The following BNC2 variants were observed in gnomAD, a reference collection of about 807,000 sequenced individuals.
BNC2 encodes the protein basonuclin zinc finger protein 2, also known as zinc finger protein basonuclin-2.
A neutral mutation model predicts 76.3 loss-of-function variants in BNC2; 20 were observed. The observed-to-expected ratio is 0.26, with a 90% CI of 0.18 to 0.38. The LOEUF (loss-of-function observed/expected upper bound fraction) is 0.38, where lower values mean the gene tolerates loss of function less well. Among genes scored for constraint, BNC2 ranks in the 10% least tolerant of loss-of-function variants. The probability of loss-of-function intolerance (pLI) is 1.00; values close to 1 mark genes in which losing one functional copy is unlikely to be tolerated. For missense variants in BNC2, 1,382 were observed against 1,399.8 expected (o/e 0.99, Z 0.20); for synonymous variants, 582 against 514.8 (o/e 1.13, Z -1.77).
At chr9:16,445,697 G>C (rs1821217931) in intron 5 of BNC2, among the ~76,000 whole-genome samples, 1 of 152,140 alleles carries the variant, frequency 6.6e-6, no homozygotes, top group Non-Finnish European at 1.5e-5. Flanking sequence ...TGGGCAGAAA[G>C]AATGATTTCG....
chr9:16,807,280 A>G (rs1817938271), intron 1 of BNC2, among the ~76,000 whole-genome samples: 1 of 152,222 alleles, frequency 6.6e-6, no homozygotes, highest in Non-Finnish European at 1.5e-5. Context: ...TTATCTACAG[A>G]AAGTTATTTT....
intron 5 of BNC2, among the ~76,000 whole-genome samples, chr9:16,484,198 G>A (rs942720023): frequency 1.3e-5 from 2 of 152,056 alleles, no homozygotes; most frequent in East Asian, 1.9e-4. Context: ...AGTCTAGGCC[G>A]TTTTACACCT....
chr9:16,690,793 T>A (rs1358958691), intron 3 of BNC2, among the ~76,000 whole-genome samples: 1 of 152,064 alleles, frequency 6.6e-6, no homozygotes, highest in African/African-American at 2.4e-5. Context: ...AAAGAGTCAA[T>A]CAGTATGTGA....
chr9:16,792,104 CAAAAAA>C (rs35590121), intron 1 of BNC2, among the ~76,000 whole-genome samples: 1 of 127,204 alleles, frequency 7.9e-6, no homozygotes, highest in Non-Finnish European at 1.6e-5. Flanking sequence ...CTTGACCCTC[CAAAAAA>C]AAAAAAAAAA....
intron 1 of BNC2, among the ~76,000 whole-genome samples, chr9:16,776,186 C>G (rs1825963099): frequency 6.9e-6 from 1 of 144,800 alleles, no homozygotes; most frequent in Non-Finnish European, 1.5e-5. Flanking sequence ...GTCGCCCAGG[C>G]TGGAGTGCAA....
intron 1 of BNC2, among the ~76,000 whole-genome samples, chr9:16,740,860 A>C (rs1159985810): frequency 6.6e-6 from 1 of 150,410 alleles, no homozygotes; most frequent in Non-Finnish European, 1.5e-5. Context: ...GAAAAAAGAA[A>C]CCCTTTTTTT....
chr9:16,788,602 T>C (rs1349085378), intron 1 of BNC2, among the ~76,000 whole-genome samples: 1 of 149,958 alleles, frequency 6.7e-6, no homozygotes, highest in Non-Finnish European at 1.5e-5. Flanking sequence ...GACAAGTTGA[T>C]TCAATGACAG....
At chr9:16,688,501 C>T (rs760926897) in intron 3 of BNC2, among the ~76,000 whole-genome samples, 23 of 151,964 alleles carry the variant, frequency 1.5e-4, no homozygotes, top group African/African-American at 4.4e-4. Flanking sequence ...TGGGGAATTC[C>T]GTTTTATCCA....
chr9:16,814,028 T>C (rs963153357), intron 1 of BNC2, among the ~76,000 whole-genome samples: 26 of 152,188 alleles, frequency 1.7e-4, no homozygotes, highest in Non-Finnish European at 2.6e-4. Flanking sequence ...TCTGTCCTGA[T>C]TATGCAATAT....
chr9:16,857,480 T>TAAAA (rs60082380), intron 1 of BNC2, among the ~76,000 whole-genome samples: 2,468 of 75,418 alleles, frequency 0.033, no homozygotes, highest in Middle Eastern at 0.065. Context: ...CTGTCTCAAA[T>TAAAA]AAAAAAAAAA....
chr9:16,788,357 T>G (rs1328370841), intron 1 of BNC2, among the ~76,000 whole-genome samples: 12 of 151,578 alleles, frequency 7.9e-5, no homozygotes, highest in South Asian at 6.3e-4. Context: ...ATCGAGACCA[T>G]CCTGGCTAAC....
At chr9:16,737,238 C>CTTTTTTTTTTTTTTTTTTTTTTTTTTTT (rs559930240) in intron 2 of BNC2, among the ~76,000 whole-genome samples, 1 of 91,302 alleles carries the variant, frequency 1.1e-5, no homozygotes, top group African/African-American at 4.3e-5. Context: ...CACACCTGGC[C>CTTTTTTTTTTTTTTTTTTTTTTTTTTTT]TTTTTTTTTT....
At chr9:16,583,637 A>G (rs1458828028) in intron 3 of BNC2, among the ~76,000 whole-genome samples, 1 of 152,134 alleles carries the variant, frequency 6.6e-6, no homozygotes, top group Non-Finnish European at 1.5e-5. Context: ...ACATATTTCT[A>G]TTATTATTTA....
At chr9:16,717,445 T>A (rs1824024853) in intron 3 of BNC2, among the ~76,000 whole-genome samples, 1 of 152,198 alleles carries the variant, frequency 6.6e-6, no homozygotes, top group African/African-American at 2.4e-5. Flanking sequence ...TTCATTACAT[T>A]CATGTTAATT....
intron 1 of BNC2, among the ~76,000 whole-genome samples, chr9:16,852,842 A>T (rs2136164823): frequency 6.6e-6 from 1 of 152,298 alleles, no homozygotes; most frequent in East Asian, 1.9e-4. Context: ...CCCCATGCAA[A>T]GGGCTGAGGT....
intron 2 of BNC2, among the ~76,000 whole-genome samples, chr9:16,732,330 A>T (rs1278769977): frequency 6.6e-6 from 1 of 152,080 alleles, no homozygotes; most frequent in African/African-American, 2.4e-5. Context: ...CTTTCTACTT[A>T]ATTTCTTTAA....
At chr9:16,670,918 C>A (rs1822458124) in intron 3 of BNC2, among the ~76,000 whole-genome samples, 1 of 152,134 alleles carries the variant, frequency 6.6e-6, no homozygotes, top group Non-Finnish European at 1.5e-5. Flanking sequence ...CAACTTCCCC[C>A]ACTGATCGCT....
At chr9:16,519,011 G>C (rs1361418041) in intron 5 of BNC2, among the ~76,000 whole-genome samples, 2 of 152,230 alleles carry the variant, frequency 1.3e-5, no homozygotes, top group African/African-American at 4.8e-5. Context: ...TCTATGCTGA[G>C]AAGAGAAGGT....
In BNC2 at chr9:16,804,801, C is replaced by T. The variant is rs556992200; in HGVS notation, c.3+65845G>A. Among the ~76,000 whole-genome samples the T allele has an allele frequency of 4.6e-5, 7 of 152,234 alleles. 2 individuals carry two copies. In the South Asian group the frequency reaches 1.2e-3, roughly 27 times the overall value. On this transcript the variant is annotated intron_variant, in intron 1 of 6. Coordinates refer to ENST00000380672, the MANE Select transcript of BNC2 (RefSeq NM_017637.6). ...TGGAGAGGCCGGGTGCAGTGGCTCA[C>T]GCCTGTAATCCCAGCACTTTGGGAG...
Sources: allele counts gnomAD v4.1 joint callset (sites outside exome capture counted in the v4.1 genomes callset), GRCh38; gene constraint gnomAD v4.1.1; transcripts MANE v1.5; gene names NCBI Gene and HGNC (gene_info 2026-07-23, HGNC 2026-07-21).